The following LPP variants were observed in gnomAD, a reference collection of about 807,000 sequenced individuals.
LPP encodes LIM domain containing preferred translocation partner in lipoma, also known as lipoma-preferred partner.
LPP carries 38 observed loss-of-function variants against 60.4 expected under a neutral mutation model. The observed-to-expected ratio is 0.63, with a 90% CI of 0.49 to 0.83. The LOEUF (loss-of-function observed/expected upper bound fraction) is 0.83, where lower values mean the gene tolerates loss of function less well. LPP is among the 40% of genes least tolerant of loss of function. The pLI is 0.00. For synonymous variants in LPP, 328 were observed against 290.8 expected (o/e 1.13, Z -1.30); for missense variants, 902 against 783.6 (o/e 1.15, Z -1.80).
chr3:188,587,961 A>G (rs1033655446), intron 6 of LPP, among the ~76,000 whole-genome samples: 1 of 152,226 alleles, frequency 6.6e-6, no homozygotes, highest in Non-Finnish European at 1.5e-5. Flanking sequence ...ATGGAAAGTC[A>G]TGCATCTGGT....
At chr3:188,393,602 A>G (rs997893758) in intron 3 of LPP, among the ~76,000 whole-genome samples, 3 of 152,202 alleles carry the variant, frequency 2.0e-5, no homozygotes, top group Admixed American at 1.3e-4. Flanking sequence ...TTACACCAGA[A>G]CAGCAGGTAT....
intron 2 of LPP, among the ~76,000 whole-genome samples, chr3:188,319,220 C>A (rs933721628): frequency 1.3e-5 from 2 of 152,168 alleles, no homozygotes; most frequent in African/African-American, 4.8e-5. Flanking sequence ...CTGGAACAGA[C>A]TTTCTTTCAG....
At chr3:188,614,720 A>G (rs2151463625) in intron 7 of LPP, among the ~76,000 whole-genome samples, 1 of 152,262 alleles carries the variant, frequency 6.6e-6, no homozygotes, top group South Asian at 2.1e-4. Flanking sequence ...GTGGCAAGTG[A>G]CTGAATGTTG....
chr3:188,466,841 A>ATATATATATAT (rs1560442091), intron 4 of LPP, among the ~76,000 whole-genome samples: 3 of 138,158 alleles, frequency 2.2e-5, no homozygotes, highest in Non-Finnish European at 3.1e-5. Flanking sequence ...ATATATATAT[A>ATATATATATAT]TGCTGTGTAA....
intron 9 of LPP, among the ~76,000 whole-genome samples, chr3:188,844,608 A>G (rs1311836405): frequency 6.6e-6 from 1 of 152,252 alleles, no homozygotes; most frequent in Non-Finnish European, 1.5e-5. Flanking sequence ...TTCATATATT[A>G]GTCAAAAATT....
At chr3:188,791,787 C>T (rs1365669335) in intron 9 of LPP, among the ~76,000 whole-genome samples, 2 of 152,126 alleles carry the variant, frequency 1.3e-5, no homozygotes, top group Admixed American at 6.5e-5. Context: ...CTCATATGTC[C>T]TGCTCAGAGC....
intron 7 of LPP, among the ~76,000 whole-genome samples, chr3:188,680,498 A>G (rs1389255591): frequency 6.6e-6 from 1 of 152,234 alleles, no homozygotes; most frequent in African/African-American, 2.4e-5. Context: ...AGCATAACTT[A>G]CTTCTCTAAC....
At chr3:188,532,567 TAGCCTCGTCTCCA>T (rs1822480786) in intron 6 of LPP, among the ~76,000 whole-genome samples, 1 of 152,214 alleles carries the variant, frequency 6.6e-6, no homozygotes, top group Admixed American at 6.5e-5. Context: ...CATAGTTTGA[TAGCCTCGTCTCCA>T]AGTTTGCCAA....
Position 188,883,537 on chromosome 3 carries a change from C to T in LPP, c.*9058C>T, listed in dbSNP as rs1770297616. On this transcript the variant is annotated 3_prime_UTR_variant, in exon 12 of 12. Coordinates refer to ENST00000617246, the MANE Select transcript of LPP (RefSeq NM_001375462.1). ...ATGAGGTCAAGAGATCGAGACCATC[C>T]TGGTCAACATGGTGAAACCCCGACT... 1 of 181,714 alleles carries T rather than the reference C, an allele frequency of 5.5e-6. No homozygotes were observed. The highest frequency in any genetic ancestry group is 6.3e-5 in the Admixed American group (1 of 15,940). 11.3% of individuals were successfully genotyped at this position (181,714 alleles called of 1,614,324 possible).
At chr3:188,204,748 C>T (rs1732690348) in intron 1 of LPP, among the ~76,000 whole-genome samples, 1 of 152,152 alleles carries the variant, frequency 6.6e-6, no homozygotes, top group African/African-American at 2.4e-5. Flanking sequence ...AAGTTTCACA[C>T]TTCTTCCTGT....
At chr3:188,704,292 C>A (rs1030281152) in intron 7 of LPP, among the ~76,000 whole-genome samples, 1 of 152,096 alleles carries the variant, frequency 6.6e-6, no homozygotes, top group Non-Finnish European at 1.5e-5. Flanking sequence ...CAAAGAGATC[C>A]TCTTTGTTAC....
intron 5 of LPP, among the ~76,000 whole-genome samples, chr3:188,507,308 GT>G (rs1247614542): frequency 6.6e-6 from 1 of 152,108 alleles, no homozygotes; most frequent in East Asian, 1.9e-4. Flanking sequence ...ACTCAGGGTG[GT>G]GGGGAGAGGA....
chr3:188,708,473 C>T, intron 8 of LPP, 80 bp downstream of exon 8: 3 of 1,565,816 alleles, frequency 1.9e-6, no homozygotes, highest in Non-Finnish European at 2.6e-6. Context: ...CTATTATCAG[C>T]TCCACTGGTA....
intron 2 of LPP, among the ~76,000 whole-genome samples, chr3:188,309,025 T>TC (rs1752533398): frequency 1.6e-5 from 1 of 62,426 alleles, no homozygotes; most frequent in Non-Finnish European, 2.5e-5. Flanking sequence ...TCTTCTTCTT[T>TC]TTTTTTTTTT....
chr3:188,400,971 T>C (rs141709038), intron 3 of LPP, among the ~76,000 whole-genome samples: 1 of 152,282 alleles, frequency 6.6e-6, no homozygotes, highest in East Asian at 1.9e-4. Flanking sequence ...TTTATCAAAA[T>C]GAAGGGCTGT....
intron 7 of LPP, among the ~76,000 whole-genome samples, chr3:188,659,524 G>A (rs1854093206): frequency 6.6e-6 from 1 of 152,142 alleles, no homozygotes; most frequent in African/African-American, 2.4e-5. Flanking sequence ...TTCAACAAAT[G>A]TTTCTTCAAT....
intron 6 of LPP, among the ~76,000 whole-genome samples, chr3:188,543,358 G>A (rs973213945): frequency 2.0e-5 from 3 of 151,900 alleles, no homozygotes; most frequent in Admixed American, 6.6e-5. Flanking sequence ...AGCTGAAAAC[G>A]CGTATTTTCT....
chr3:188,423,898 G>T (rs1245140829), intron 4 of LPP, among the ~76,000 whole-genome samples: 1 of 150,866 alleles, frequency 6.6e-6, no homozygotes, highest in Non-Finnish European at 1.5e-5. Flanking sequence ...TTCCCATTCT[G>T]TAGGTTTCCT....
At chr3:188,363,034 TTA>T (rs1769979855) in intron 3 of LPP, among the ~76,000 whole-genome samples, 1 of 22,038 alleles carries the variant, frequency 4.5e-5, no homozygotes, top group Non-Finnish European at 2.4e-4. Context: ...TTTATTTTAT[TTA>T]TTTTTTTTTT....
Sources: gnomAD v4.1 joint callset for allele counts (sites outside exome capture counted in the v4.1 genomes callset) on GRCh38, gnomAD v4.1.1 for gene constraint, MANE v1.5 for transcripts, NCBI Gene and HGNC (gene_info 2026-07-23, HGNC 2026-07-21) for gene names.